The following ATAD2B variants were observed in gnomAD, a reference collection of about 807,000 sequenced individuals.
ATAD2B encodes the protein ATPase family AAA domain-containing protein 2B.
A neutral mutation model predicts 167.6 loss-of-function variants in ATAD2B; 40 were observed. The ratio of observed to expected loss-of-function variants is 0.24; its 90% CI spans 0.19 to 0.31. ATAD2B has a LOEUF of 0.31. Ranked by LOEUF, ATAD2B falls within the 10% of genes least tolerant of loss-of-function variation. ATAD2B has a pLI of 1.00. For missense variants in ATAD2B, 1,242 were observed against 1,757.2 expected, an observed-to-expected ratio of 0.71 and a Z score of 5.24; for synonymous variants, 579 against 596.5, an observed-to-expected ratio of 0.97 and a Z score of 0.43.
the ATAD2B span, among the ~76,000 whole-genome samples, chr2:23,725,767 C>T: frequency 6.6e-6 from 1 of 152,156 alleles, no homozygotes; most frequent in African/African-American, 2.4e-5. Flanking sequence ...GAGTTAAATC[C>T]AAACATATAA....
chr2:23,922,087 G>A (rs921554682), intron 1 of ATAD2B, among the ~76,000 whole-genome samples: 3 of 152,002 alleles, frequency 2.0e-5, no homozygotes, highest in Non-Finnish European at 4.4e-5. Flanking sequence ...TACTTCTAAA[G>A]TTACTCAAAA....
rs551520116 is a variant in ATAD2B, at chr2:23,750,403, C to T, written c.*1643G>A. On this transcript the variant is annotated 3_prime_UTR_variant, in exon 28 of 28. Transcript: ENST00000238789. ...TTTGGATTACTGCAGTAGGCTATGG[C>T]CAAAGTATGCTTTCTGCACACTACA... 1.3e-5 allele frequency: 2 copies of T among 152,150 alleles called. No individual in the cohort carries two copies. The highest frequency in any genetic ancestry group is 3.9e-4 in the East Asian group (2 of 5,182). The allele number at this position is 152,150 out of a possible 1,614,324, so 9.4% of individuals were successfully genotyped here.
intron 13 of ATAD2B, among the ~76,000 whole-genome samples, chr2:23,844,727 G>C (rs1012096789): frequency 1.3e-5 from 2 of 151,836 alleles, no homozygotes; most frequent in African/African-American, 2.4e-5. Flanking sequence ...ACAAAGTTTC[G>C]GCAAACTATG....
At chr2:23,764,513 T>C (rs1572658701) in intron 23 of ATAD2B, among the ~76,000 whole-genome samples, 1 of 152,166 alleles carries the variant, frequency 6.6e-6, no homozygotes, top group African/African-American at 2.4e-5. Context: ...TTTACTCAAA[T>C]ATTTACCGAA....
intron 16 of ATAD2B, among the ~76,000 whole-genome samples, chr2:23,822,238 T>G (rs1306510914): frequency 6.6e-6 from 1 of 152,174 alleles, no homozygotes; most frequent in Non-Finnish European, 1.5e-5. Context: ...TGACCTTATA[T>G]TAATTAAATT....
chr2:23,810,190 T>C (rs1332785676), intron 18 of ATAD2B, 126 bp downstream of exon 18: 3 of 827,920 alleles, frequency 3.6e-6, no homozygotes, highest in Non-Finnish European at 5.4e-6. Flanking sequence ...TAATGAATAA[T>C]CAACAAAAAG....
chr2:23,768,916 G>A (rs1002362737), intron 22 of ATAD2B, among the ~76,000 whole-genome samples: 1 of 152,144 alleles, frequency 6.6e-6, no homozygotes, highest in Non-Finnish European at 1.5e-5. Flanking sequence ...CATGCTGGTG[G>A]ACATTAGTGA....
At chr2:23,710,788 G>T in the ATAD2B span, among the ~76,000 whole-genome samples, 1 of 152,206 alleles carries the variant, frequency 6.6e-6, no homozygotes, top group African/African-American at 2.4e-5. Flanking sequence ...ATCTAGAGAT[G>T]ATTTAAAGTA....
At chr2:23,742,365 T>C in the ATAD2B span, among the ~76,000 whole-genome samples, 1 of 128,776 alleles carries the variant, frequency 7.8e-6, no homozygotes, top group East Asian at 3.1e-4. Flanking sequence ...CATGGAATAC[T>C]ATGCAGCCAT....
intron 1 of ATAD2B, among the ~76,000 whole-genome samples, chr2:23,908,449 A>T (rs376995160): frequency 5.9e-5 from 9 of 152,242 alleles, no homozygotes; most frequent in African/African-American, 2.2e-4. Context: ...ACCATCTCAC[A>T]CCAGTTAGAA....
intron 13 of ATAD2B, among the ~76,000 whole-genome samples, chr2:23,845,858 G>A (rs1331184664): frequency 2.8e-5 from 4 of 144,750 alleles, no homozygotes; most frequent in East Asian, 2.0e-4. Context: ...GGAATTACAA[G>A]CAAGAGTAAC....
At chr2:23,682,680 A>G in the ATAD2B span, among the ~76,000 whole-genome samples, 4,824 of 147,406 alleles carry the variant, frequency 0.033, 100 homozygotes, top group South Asian at 0.089. This position sits in a 1 kb window ranked among gnomAD's most constrained non-coding sequence, Gnocchi z 4.1. Context: ...GCACCCTCCC[A>G]CACCCTCCCG....
the ATAD2B span, among the ~76,000 whole-genome samples, chr2:23,681,069 G>A: frequency 2.6e-5 from 4 of 152,194 alleles, no homozygotes; most frequent in East Asian, 3.9e-4. This position sits in a 1 kb window ranked among gnomAD's most constrained non-coding sequence, Gnocchi z 4.2. Flanking sequence ...TGTGCCCAGC[G>A]GGTCCTGGTG....
At chr2:23,835,799 G>A (rs377075720) in intron 13 of ATAD2B, among the ~76,000 whole-genome samples, 6 of 152,024 alleles carry the variant, frequency 3.9e-5, no homozygotes, top group South Asian at 2.1e-4. Flanking sequence ...AGCTCGGTGC[G>A]GTGGCACGCA....
At chr2:23,730,493 C>T in the ATAD2B span, among the ~76,000 whole-genome samples, 5 of 151,052 alleles carry the variant, frequency 3.3e-5, no homozygotes, top group African/African-American at 7.3e-5. Flanking sequence ...GGTGAAACCC[C>T]GTCTCTACTA....
At chr2:23,885,386 G>C (rs1406197661) in intron 5 of ATAD2B, among the ~76,000 whole-genome samples, 2 of 152,160 alleles carry the variant, frequency 1.3e-5, no homozygotes, top group African/African-American at 2.4e-5. Flanking sequence ...TGGTGTGTGA[G>C]AAAACAAAGT....
the ATAD2B span, chr2:23,689,729 G>A: frequency 6.6e-6 from 1 of 152,446 alleles, no homozygotes; most frequent in South Asian, 2.1e-4. Context: ...CGGCTTGTAG[G>A]AATGAAGTCC....
the ATAD2B span, among the ~76,000 whole-genome samples, chr2:23,728,388 T>C: frequency 6.6e-6 from 1 of 152,142 alleles, no homozygotes; most frequent in African/African-American, 2.4e-5. Context: ...GATTGGTACA[T>C]GGTAGAGGGG....
the ATAD2B span, chr2:23,684,591 T>C: frequency 6.8e-7 from 1 of 1,468,268 alleles, no homozygotes; most frequent in East Asian, 2.6e-5. The surrounding 1 kb of genome is among the most constrained non-coding windows in gnomAD (Gnocchi z 4.4). Context: ...GACGCTTTTG[T>C]GTCGCTTTTC....
Sources: gnomAD v4.1 joint callset for allele counts (sites outside exome capture counted in the v4.1 genomes callset) on GRCh38, gnomAD v4.1.1 for gene constraint, Gnocchi (gnomAD v3.1) non-coding constraint, MANE v1.5 for transcripts, NCBI Gene and HGNC (gene_info 2026-07-23, HGNC 2026-07-21) for gene names.